The following FARS2 variants were observed in gnomAD, a reference collection of about 807,000 sequenced individuals.
The protein encoded by FARS2 is phenylalanine--tRNA ligase, mitochondrial.
In FARS2, 40 loss-of-function variants were observed where a neutral mutation model predicts 46.4. That is an observed-to-expected ratio of 0.86 (90% CI 0.67 to 1.12). FARS2 has a LOEUF of 1.12. FARS2 is among the 50% of genes most tolerant of loss of function. FARS2 has a pLI of 0.00. For synonymous variants in FARS2, 234 were observed against 214.9 expected, an observed-to-expected ratio of 1.09 and a Z score of -0.78; for missense variants, 513 against 567.9, an observed-to-expected ratio of 0.90 and a Z score of 0.98.
At chr6:5,505,490 A>G (rs958550593) in intron 4 of FARS2, among the ~76,000 whole-genome samples, 1 of 152,234 alleles carries the variant, frequency 6.6e-6, no homozygotes, top group Non-Finnish European at 1.5e-5. Flanking sequence ...AGCGACATAC[A>G]TCCTCCTCAG....
chr6:5,563,093 G>T (rs961565079), intron 5 of FARS2, among the ~76,000 whole-genome samples: 2 of 152,006 alleles, frequency 1.3e-5, no homozygotes, highest in Non-Finnish European at 2.9e-5. Context: ...GAGGGAGGGG[G>T]GCTCCAAAGC....
chr6:5,301,802 TACACACACACACACACACAC>T (rs143654686), intron 1 of FARS2, among the ~76,000 whole-genome samples: 13 of 132,336 alleles, frequency 9.8e-5, no homozygotes, highest in African/African-American at 3.2e-4. Context: ...CACACACACA[TACACACACACACACACACAC>T]ACACACACAC....
At chr6:5,419,807 C>T (rs1762443649) in intron 3 of FARS2, among the ~76,000 whole-genome samples, 1 of 152,160 alleles carries the variant, frequency 6.6e-6, no homozygotes. Context: ...TGCCTCCCTC[C>T]TGCCCCAAGC....
At chr6:5,539,381 T>TTG (rs1770437947) in intron 4 of FARS2, among the ~76,000 whole-genome samples, 4 of 47,438 alleles carry the variant, frequency 8.4e-5, no homozygotes, top group Non-Finnish European at 2.0e-4. Context: ...TAATTTTTTT[T>TTG]GTGTATATAT....
At chr6:5,631,188 G>A (rs1011694249) in intron 6 of FARS2, among the ~76,000 whole-genome samples, 1 of 152,186 alleles carries the variant, frequency 6.6e-6, no homozygotes, top group Non-Finnish European at 1.5e-5. Flanking sequence ...GATAAGAGTT[G>A]ATTATATTTA....
chr6:5,663,937 G>GC (rs1222602809), intron 6 of FARS2, among the ~76,000 whole-genome samples: 4 of 152,156 alleles, frequency 2.6e-5, no homozygotes, highest in Non-Finnish European at 5.9e-5. Context: ...ATGCACGCTG[G>GC]CCAGGGCCAT....
At chr6:5,474,661 C>CTATTTTTTTTTT (rs34998565) in intron 4 of FARS2, among the ~76,000 whole-genome samples, 1 of 71,320 alleles carries the variant, frequency 1.4e-5, no homozygotes. Context: ...AAATACAGTA[C>CTATTTTTTTTTT]TGTTTTTTTT....
chr6:5,415,295 A>ATTTTC (rs201144953), intron 3 of FARS2, among the ~76,000 whole-genome samples: 37 of 97,214 alleles, frequency 3.8e-4, no homozygotes, highest in African/African-American at 1.5e-3. Context: ...TTTAATTTGT[A>ATTTTC]TTTTCTTTTC....
In FARS2 at chr6:5,343,076, C is replaced by T. The variant is rs958872267; in HGVS notation, c.-21-25474C>T. On this transcript the variant is annotated intron_variant, in intron 1 of 6. Coordinates refer to ENST00000274680, the MANE Select transcript of FARS2 (RefSeq NM_006567.5). The surrounding 1 kb of genome is among the most constrained non-coding windows in gnomAD (Gnocchi z 4.5). The stretch of plus-strand genomic sequence containing the variant: ...CTACATCACTCATTTCTGCCCTAAT[C>T]TGTATGAAATGACCATTGATATCTC... 6.6e-6 allele frequency among the ~76,000 whole-genome samples: 1 copy of T among 152,146 alleles called. No homozygotes were observed. Among genetic ancestry groups the T allele is most frequent in the Non-Finnish European group, 1.5e-5 (1 of 68,030 alleles).
chr6:5,644,918 A>G (rs1175541664), intron 6 of FARS2, among the ~76,000 whole-genome samples: 3 of 152,240 alleles, frequency 2.0e-5, no homozygotes, highest in Non-Finnish European at 2.9e-5. Context: ...CTGCACACTC[A>G]GGATCATTGA....
intron 4 of FARS2, among the ~76,000 whole-genome samples, chr6:5,482,361 G>A (rs1156452858): frequency 6.6e-6 from 1 of 152,124 alleles, no homozygotes; most frequent in East Asian, 1.9e-4. Flanking sequence ...GACCAGGACT[G>A]TTGCTGGATT....
At chr6:5,688,643 G>T (rs573673559) in intron 6 of FARS2, among the ~76,000 whole-genome samples, 8 of 152,306 alleles carry the variant, frequency 5.3e-5, no homozygotes, top group Non-Finnish European at 1.0e-4. Context: ...GTTCATGAGG[G>T]ATATTGGTCT....
chr6:5,367,226 A>G (rs1396445103), intron 1 of FARS2, among the ~76,000 whole-genome samples: 2 of 152,228 alleles, frequency 1.3e-5, no homozygotes, highest in African/African-American at 4.8e-5. Flanking sequence ...TTCTTTGCTA[A>G]TGCAGCTTCA....
At chr6:5,338,722 G>T (rs2552300) in intron 1 of FARS2, among the ~76,000 whole-genome samples, 1 of 151,948 alleles carries the variant, frequency 6.6e-6, no homozygotes, top group Non-Finnish European at 1.5e-5. Flanking sequence ...TATGTGAGAC[G>T]TGTTTACAGT....
At chr6:5,429,411 T>C (rs1457220024) in intron 3 of FARS2, among the ~76,000 whole-genome samples, 4 of 152,198 alleles carry the variant, frequency 2.6e-5, no homozygotes, top group African/African-American at 9.7e-5. Context: ...ATCTGGGCCA[T>C]AGGAAAGCCT....
intron 3 of FARS2, among the ~76,000 whole-genome samples, chr6:5,411,324 C>T (rs1211163204): frequency 1.3e-5 from 2 of 152,110 alleles, no homozygotes; most frequent in Non-Finnish European, 2.9e-5. Flanking sequence ...CGTCTTCTCT[C>T]TAGGTGCTGC....
rs57189455 is a variant in FARS2 at position 5,514,089 on chromosome 6, C to CATATATATATAT, written c.905-31082_905-31071dup. ...TAGAAAATTAACATAAAAATCTGGA[C>CATATATATATAT]ATATATATATATATATATATGATAA... is the stretch of plus-strand genomic sequence containing the variant. On this transcript the variant is annotated intron_variant, in intron 4 of 6. Transcript: ENST00000274680. 3.7e-3 allele frequency among the ~76,000 whole-genome samples: 540 copies of CATATATATATAT among 147,104 alleles called. 6 individuals carry two copies. The highest frequency in any genetic ancestry group is 0.013 in the African/African-American group (517 of 39,722).
intron 4 of FARS2, among the ~76,000 whole-genome samples, chr6:5,526,232 G>C (rs1769457345): frequency 1.3e-5 from 2 of 152,294 alleles, no homozygotes; most frequent in South Asian, 2.1e-4. Context: ...GATGCAGTTT[G>C]ATTTTCTAGT....
At chr6:5,545,692 G>T (rs546527627) in intron 5 of FARS2, among the ~76,000 whole-genome samples, 12 of 152,254 alleles carry the variant, frequency 7.9e-5, no homozygotes, top group African/African-American at 2.6e-4. Context: ...TCCAACTTAT[G>T]AGTGAGAACA....
Sources: allele counts gnomAD v4.1 joint callset (sites outside exome capture counted in the v4.1 genomes callset), GRCh38; gene constraint gnomAD v4.1.1; non-coding constraint Gnocchi (gnomAD v3.1); transcripts MANE v1.5; gene names NCBI Gene and HGNC (gene_info 2026-07-23, HGNC 2026-07-21).